BAIAP2: variants seen among roughly 807,000 people sequenced by gnomAD.
The protein encoded by BAIAP2 is BAR/IMD domain-containing adapter protein 2.
A neutral mutation model predicts 63.0 loss-of-function variants in BAIAP2; 18 were observed. That is an observed-to-expected ratio of 0.29 (90% CI 0.20 to 0.42). BAIAP2 has a LOEUF of 0.42. BAIAP2 is among the 10% of genes least tolerant of loss of function. The pLI is 1.00. For synonymous variants in BAIAP2, 386 were observed against 307.6 expected, an observed-to-expected ratio of 1.25 and a Z score of -2.67; for missense variants, 610 against 734.3, an observed-to-expected ratio of 0.83 and a Z score of 1.96.
chr17:81,073,022 C>T (rs1033554537), intron 3 of BAIAP2, among the ~76,000 whole-genome samples: 6 of 152,040 alleles, frequency 3.9e-5, no homozygotes, highest in African/African-American at 1.4e-4. Context: ...GGGTGCCTGT[C>T]ACCTCCAGGA....
At chr17:81,037,002 G>A (rs770363161) in intron 1 of BAIAP2, 88 of 1,486,336 alleles carry the variant, frequency 5.9e-5, no homozygotes, top group Non-Finnish European at 7.5e-5. Flanking sequence ...GACCGACCCC[G>A]TGATCGTCCT....
chr17:81,081,392 G>A (rs114923212), intron 3 of BAIAP2, among the ~76,000 whole-genome samples: 1,827 of 152,300 alleles, frequency 0.012, 36 homozygotes, highest in African/African-American at 0.042. Flanking sequence ...TCCTTGGCTC[G>A]TAGGATGGTG....
chr17:81,055,567 G>GTGTTTTGTTTTTTGTTTTTTTT (rs2049343587), intron 2 of BAIAP2, among the ~76,000 whole-genome samples: 3 of 17,612 alleles, frequency 1.7e-4, no homozygotes, highest in Non-Finnish European at 2.5e-4. Flanking sequence ...AGTCTGCAGG[G>GTGTTTTGTTTTTTGTTTTTTTT]TGTTTTGTTT....
chr17:81,058,781 G>A (rs1006725584), intron 3 of BAIAP2, among the ~76,000 whole-genome samples: 1 of 152,194 alleles, frequency 6.6e-6, no homozygotes, highest in African/African-American at 2.4e-5. Context: ...CAATCTGGGA[G>A]GTGGTCTGCA....
intron 12 of BAIAP2, 114 bp from the exon 13 acceptor site, chr17:81,108,361 A>C (rs2059423736): frequency 1.7e-6 from 2 of 1,204,798 alleles, no homozygotes; most frequent in Admixed American, 3.9e-5. Context: ...CCAAAGGAAC[A>C]CGGTTTGAAC....
chr17:81,043,517 G>A (rs956135708), intron 1 of BAIAP2, among the ~76,000 whole-genome samples: 7 of 152,214 alleles, frequency 4.6e-5, no homozygotes, highest in East Asian at 1.9e-4. Flanking sequence ...GGGCCTGGGC[G>A]GTGTCACTGC....
Position 81,103,636 on chromosome 17 carries a change from G to T in BAIAP2, c.777G>T (p.Ser259=). The stretch of plus-strand genomic sequence containing the variant: ...GCGCCACCCTCCCCAGCGCCCTGTC[G>T]GCCTCCAAGTCCAACCTGGTCATTT... ...SNGATLPSAL[S]ASKSNLVISD... Residue 259 remains serine, a synonymous_variant, in exon 8 of 14, where the codon TCG becomes TCT. Transcript: ENST00000428708. The T allele has an allele frequency of 6.2e-7, 1 of 1,605,494 alleles. No individual in the cohort carries two copies. The highest frequency in any genetic ancestry group is 8.5e-7 in the Non-Finnish European group (1 of 1,178,434).
At chr17:81,056,148 A>AG (rs1452260673) in intron 2 of BAIAP2, among the ~76,000 whole-genome samples, 1 of 152,182 alleles carries the variant, frequency 6.6e-6, no homozygotes, top group Non-Finnish European at 1.5e-5. Flanking sequence ...AGGAAGGCTG[A>AG]GGCCCGGCTC....
At position 81,058,910 on chromosome 17, in the gene BAIAP2, AG is replaced by A. The variant is rs758146852; in HGVS notation, c.217+945del. On this transcript the variant is annotated intron_variant, in intron 3 of 13. Transcript: ENST00000428708. ...TGACAGAGGCCCTGGCTGAGTCGGC[AG>A]GCGGTGGGCTGGGGGGTCGTGGGTT... Among the ~76,000 whole-genome samples the A allele has an allele frequency of 1.9e-3, 293 of 152,300 alleles. 2 individuals are homozygous for A. Among genetic ancestry groups the A allele is most frequent in the Non-Finnish European group, 3.5e-3 (235 of 68,012 alleles).
chr17:81,043,897 T>C (rs1360541788), intron 1 of BAIAP2, among the ~76,000 whole-genome samples: 1 of 152,226 alleles, frequency 6.6e-6, no homozygotes, highest in Non-Finnish European at 1.5e-5. Flanking sequence ...GGGGTCTCTG[T>C]TTTCTCATTA....
At chr17:81,035,967 G>C (rs903708020) in intron 1 of BAIAP2, 1 of 152,278 alleles carries the variant, frequency 6.6e-6, no homozygotes, top group Non-Finnish European at 1.5e-5. Context: ...ACCGCGGAGA[G>C]AGAAGACTAA....
chr17:81,072,263 A>C (rs940582583), intron 3 of BAIAP2, among the ~76,000 whole-genome samples: 2 of 152,190 alleles, frequency 1.3e-5, no homozygotes, highest in African/African-American at 2.4e-5. Flanking sequence ...GCCCCACCTC[A>C]GTCCACAACA....
At chr17:81,095,024 T>C (rs553077441) in intron 6 of BAIAP2, among the ~76,000 whole-genome samples, 2 of 152,352 alleles carry the variant, frequency 1.3e-5, no homozygotes. Flanking sequence ...AGAGGAGAGA[T>C]GTGTTCTGAT....
intron 1 of BAIAP2, among the ~76,000 whole-genome samples, chr17:81,051,993 C>A (rs555457842): frequency 3.9e-5 from 6 of 152,216 alleles, no homozygotes; most frequent in African/African-American, 1.2e-4. Context: ...TCTGACCCAG[C>A]GGAATCTCTT....
chr17:81,044,583 C>A (rs2047537756), intron 1 of BAIAP2, among the ~76,000 whole-genome samples: 1 of 152,190 alleles, frequency 6.6e-6, no homozygotes, highest in Non-Finnish European at 1.5e-5. Flanking sequence ...TCAACACGTG[C>A]ATCTTGGGAG....
chr17:81,052,772 A>G (rs4969366), intron 1 of BAIAP2, among the ~76,000 whole-genome samples: 9,127 of 147,436 alleles, frequency 0.062, 498 homozygotes, highest in East Asian at 0.33. Flanking sequence ...TCTAGCCCAC[A>G]GGTTGGGGCT....
At chr17:81,110,807 C>A in intron 13 of BAIAP2, 1 of 1,454,404 alleles carries the variant, frequency 6.9e-7, no homozygotes, top group Non-Finnish European at 9.6e-7. Flanking sequence ...TCCGAGTGCT[C>A]CAGGGTTCTA....
rs115888529 is a variant in BAIAP2 at position 81,039,108 on chromosome 17, C to T, written c.54+3800C>T. On this transcript the variant is annotated intron_variant, in intron 1 of 13. Transcript: ENST00000428708. ...GCTGTCACTGAGTAGACCTGGCCTGCATTTTCTCTACATGTGCATGTCTGT... is the reference window on the plus strand; with the variant it reads ...GCTGTCACTGAGTAGACCTGGCCTGTATTTTCTCTACATGTGCATGTCTGT... Among the ~76,000 whole-genome samples the T allele has an allele frequency of 4.0e-3, 615 of 152,374 alleles. 2 individuals carry two copies. The highest frequency in any genetic ancestry group is 0.014 in the African/African-American group (586 of 41,588).
intron 13 of BAIAP2, among the ~76,000 whole-genome samples, chr17:81,113,415 G>C (rs1335192446): frequency 6.6e-6 from 1 of 152,244 alleles, no homozygotes; most frequent in Admixed American, 6.5e-5. Context: ...CAGTGGCCTT[G>C]GGCTGCAGAC....
Sources: gnomAD v4.1 joint callset for allele counts (sites outside exome capture counted in the v4.1 genomes callset) on GRCh38, gnomAD v4.1.1 for gene constraint, MANE v1.5 for transcripts, NCBI Gene and HGNC (gene_info 2026-07-23, HGNC 2026-07-21) for gene names.